Variants in LMO7 observed in about 807,000 individuals in gnomAD.
The protein encoded by LMO7 is LIM domain 7, also known as LIM domain only protein 7.
LMO7 carries 120 observed loss-of-function variants against 206.5 expected under a neutral mutation model. That is an observed-to-expected ratio of 0.58 (90% confidence interval 0.50 to 0.68). The LOEUF (loss-of-function observed/expected upper bound fraction) is 0.68, where lower values mean the gene tolerates loss of function less well. Among genes scored for constraint, LMO7 ranks in the 30% least tolerant of loss-of-function variants. LMO7 has a pLI of 0.00. For synonymous variants in LMO7, 706 were observed against 681.5 expected (o/e 1.04, Z -0.56); for missense variants, 1,959 against 1,957.9 (o/e 1.00, Z -0.01).
intron 3 of LMO7, among the ~76,000 whole-genome samples, chr13:75,729,974 A>C (rs2044960046): frequency 6.6e-6 from 1 of 152,044 alleles, no homozygotes; most frequent in Non-Finnish European, 1.5e-5. Flanking sequence ...CCCAGGGATG[A>C]AGCCCACTTG....
At chr13:75,682,206 T>C (rs2040595204) in intron 1 of LMO7, among the ~76,000 whole-genome samples, 1 of 152,212 alleles carries the variant, frequency 6.6e-6, no homozygotes, top group African/African-American at 2.4e-5. Flanking sequence ...TGTTTGTAGG[T>C]ATGCAGTAGT....
intron 11 of LMO7, among the ~76,000 whole-genome samples, chr13:75,811,021 G>A (rs1566517358): frequency 6.6e-6 from 1 of 152,182 alleles, no homozygotes; most frequent in African/African-American, 2.4e-5. Flanking sequence ...AAGATTGTCT[G>A]TAAATTGAGA....
At chr13:75,783,072 T>A (rs1352037101) in intron 4 of LMO7, among the ~76,000 whole-genome samples, 1 of 152,184 alleles carries the variant, frequency 6.6e-6, no homozygotes, top group Non-Finnish European at 1.5e-5. Context: ...AAATGGAATC[T>A]TTTTCTGTAG....
chr13:75,798,708 C>G (rs2054340485), intron 6 of LMO7, among the ~76,000 whole-genome samples: 1 of 152,202 alleles, frequency 6.6e-6, no homozygotes, highest in Admixed American at 6.5e-5. Flanking sequence ...TGCTTAAAAG[C>G]TAACATAAAA....
At chr13:75,677,331 AAGT>A (rs2040095606) in intron 1 of LMO7, among the ~76,000 whole-genome samples, 1 of 152,214 alleles carries the variant, frequency 6.6e-6, no homozygotes, top group African/African-American at 2.4e-5. Flanking sequence ...TGATATCTAT[AAGT>A]AGAATTTGAG....
chr13:75,728,979 G>A (rs1369062495), intron 3 of LMO7, among the ~76,000 whole-genome samples: 8 of 151,930 alleles, frequency 5.3e-5, no homozygotes, highest in South Asian at 2.1e-4. Flanking sequence ...TGTTCCATTG[G>A]TCTATATCTC....
chr13:75,728,057 G>C (rs1257830705), intron 3 of LMO7, among the ~76,000 whole-genome samples: 2 of 151,934 alleles, frequency 1.3e-5, no homozygotes, highest in African/African-American at 2.4e-5. Context: ...CCAAGTCTTT[G>C]CTGTTGTGAA....
intron 3 of LMO7, among the ~76,000 whole-genome samples, chr13:75,749,393 A>G (rs189550144): frequency 2.0e-5 from 3 of 152,332 alleles, no homozygotes; most frequent in African/African-American, 7.2e-5. Context: ...GCACTTTGGA[A>G]AAAAAGAGTA....
chr13:75,835,169 C>T (rs772313811), intron 17 of LMO7, 64 bp from the exon 18 acceptor site: 2 of 1,595,750 alleles, frequency 1.3e-6, no homozygotes, highest in Non-Finnish European at 1.7e-6. Flanking sequence ...CAAAGACCAA[C>T]CTTCCCTGCC....
At chr13:75,771,580 A>AGAATTTTTAAAGACTTTAAAAACT (rs2049724151) in intron 4 of LMO7, among the ~76,000 whole-genome samples, 1 of 152,184 alleles carries the variant, frequency 6.6e-6, no homozygotes, top group Admixed American at 6.5e-5. Context: ...CTTTAAAAAC[A>AGAATTTTTAAAGACTTTAAAAACT]GAATTAGTAA....
In LMO7 at chr13:75,807,784, C is replaced by T. The variant is rs1192497339; in HGVS notation, c.1501C>T (p.Gln501Ter). The change falls in exon 10 of 31, where the codon CAG becomes TAG. Residue 501 changes from glutamine (Q) to a stop codon, truncating the protein, a stop_gained. Transcript: ENST00000377534. LOFTEE classifies it high-confidence loss of function. ...DDSVERDIIL[Q>*]CREGELVLPD... Reference sequence around the variant, plus strand: ...TTCTGTAGAGCGAGATATAATTTTACAGTGTAGAGAAGGTGAACTTGTACT... The same window carrying T: ...TTCTGTAGAGCGAGATATAATTTTATAGTGTAGAGAAGGTGAACTTGTACT... 1 of 1,613,822 alleles carries T rather than the reference C, an allele frequency of 6.2e-7. No homozygotes were observed. The highest frequency in any genetic ancestry group is 1.1e-5 in the South Asian group (1 of 91,074).
In LMO7 at chr13:75,821,623, T is replaced by C; in HGVS notation, c.2640+14T>C. Reference sequence around the variant, plus strand: ...AGATCTTACACGGTAAAAAATGTTCTCGGTTCATTTAGTCTGTTCTGAAGA... The same window carrying C: ...AGATCTTACACGGTAAAAAATGTTCCCGGTTCATTTAGTCTGTTCTGAAGA... On this transcript the variant is annotated intron_variant, in intron 14 of 30. Transcript: ENST00000377534. 7 of 1,597,376 alleles carry C rather than the reference T, an allele frequency of 4.4e-6. No homozygotes were observed. The highest frequency in any genetic ancestry group is 5.1e-6 in the Non-Finnish European group (6 of 1,169,234).
intron 1 of LMO7, among the ~76,000 whole-genome samples, chr13:75,682,501 A>G (rs540299398): frequency 6.6e-6 from 1 of 152,170 alleles, no homozygotes; most frequent in Non-Finnish European, 1.5e-5. Context: ...TGAAATTTCC[A>G]TGAGTGCCAA....
intron 2 of LMO7, among the ~76,000 whole-genome samples, chr13:75,724,161 G>A (rs2044263216): frequency 6.6e-6 from 1 of 152,134 alleles, no homozygotes. Flanking sequence ...ATCCTAGCAA[G>A]GGATGAGCTG....
chr13:75,634,071 C>A (rs977669731), upstream of LMO7, among the ~76,000 whole-genome samples: 3 of 150,512 alleles, frequency 2.0e-5, no homozygotes, highest in Non-Finnish European at 3.0e-5. Flanking sequence ...AAACTCCTGA[C>A]CTTGTGATCC....
chr13:75,836,289 C>T (rs922596636), intron 18 of LMO7, 108 bp from the exon 19 acceptor site: 3 of 647,560 alleles, frequency 4.6e-6, no homozygotes, highest in Non-Finnish European at 8.1e-6. Context: ...CATCAATATC[C>T]CGAGAAACTC....
At chr13:75,780,370 C>T (rs1202878738) in intron 4 of LMO7, among the ~76,000 whole-genome samples, 1 of 152,186 alleles carries the variant, frequency 6.6e-6, no homozygotes, top group East Asian at 1.9e-4. Flanking sequence ...ATTCTTTTCC[C>T]AGGGCTGTTC....
chr13:75,780,539 G>A (rs1193732958), intron 4 of LMO7, among the ~76,000 whole-genome samples: 2 of 152,130 alleles, frequency 1.3e-5, no homozygotes, highest in Non-Finnish European at 2.9e-5. Flanking sequence ...TAGGTGCCCA[G>A]ATTTTATGTT....
chr13:75,734,505 G>A (rs1468730863), intron 3 of LMO7, among the ~76,000 whole-genome samples: 1 of 152,146 alleles, frequency 6.6e-6, no homozygotes, highest in Non-Finnish European at 1.5e-5. Flanking sequence ...GACCATTCAT[G>A]TGTTTACAGA....
Sources: gnomAD v4.1 joint callset for allele counts (sites outside exome capture counted in the v4.1 genomes callset) on GRCh38, gnomAD v4.1.1 for gene constraint, MANE v1.5 for transcripts, NCBI Gene and HGNC (gene_info 2026-07-23, HGNC 2026-07-21) for gene names.